ZNF667: variants seen among roughly 807,000 people sequenced by gnomAD.
The protein encoded by ZNF667 is zinc finger protein 667, also known as myocardial ischemic preconditioning upregulated 1 ortholog.
A neutral mutation model predicts 31.8 loss-of-function variants in ZNF667; 13 were observed. That is an observed-to-expected ratio of 0.41 (90% CI 0.27 to 0.65). ZNF667 has a LOEUF of 0.65. Ranked by LOEUF, ZNF667 falls within the 30% of genes least tolerant of loss-of-function variation. ZNF667 has a pLI of 0.32. For synonymous variants in ZNF667, 228 were observed against 247.1 expected, an observed-to-expected ratio of 0.92 and a Z score of 0.73; for missense variants, 642 against 725.6, an observed-to-expected ratio of 0.88 and a Z score of 1.32.
intron 6 of ZNF667, among the ~76,000 whole-genome samples, chr19:56,457,892 C>A (rs1292832817): frequency 6.6e-6 from 1 of 152,120 alleles, no homozygotes; most frequent in African/African-American, 2.4e-5. Context: ...AATGAGATAT[C>A]ATCTATAATC....
chr19:56,469,152 G>A (rs1419932279), intron 3 of ZNF667, among the ~76,000 whole-genome samples: 2 of 152,190 alleles, frequency 1.3e-5, no homozygotes, highest in East Asian at 1.9e-4. Context: ...GCTGGTGATC[G>A]CTGAAGCCGG....
intron 1 of ZNF667, chr19:56,476,899 C>T: frequency 6.5e-6 from 1 of 153,218 alleles, no homozygotes; most frequent in Non-Finnish European, 1.5e-5. Context: ...TCACAGTCAG[C>T]GTCACACACC....
At chr19:56,463,523 T>C (rs2043096038) in intron 3 of ZNF667, among the ~76,000 whole-genome samples, 1 of 152,062 alleles carries the variant, frequency 6.6e-6, no homozygotes, top group Admixed American at 6.6e-5. Context: ...AGGAACTCAT[T>C]TTCTTCCCTT....
chr19:56,466,197 C>T (rs1333054630), intron 3 of ZNF667, among the ~76,000 whole-genome samples: 1 of 152,224 alleles, frequency 6.6e-6, no homozygotes, highest in African/African-American at 2.4e-5. Context: ...CTTCCCTTTG[C>T]TGATACTGCT....
At chr19:56,476,639 G>A (rs1437012177) in intron 1 of ZNF667, among the ~76,000 whole-genome samples, 1 of 152,134 alleles carries the variant, frequency 6.6e-6, no homozygotes, top group Non-Finnish European at 1.5e-5. Context: ...CAATTAAACA[G>A]TTCCACAGAT....
At chr19:56,477,455 C>T (rs903508907), upstream of ZNF667, 5 of 152,222 alleles carry the variant, frequency 3.3e-5, no homozygotes, top group Admixed American at 6.5e-5. Flanking sequence ...GCTCACCCGC[C>T]TCTCGGGGAC....
chr19:56,451,036 G>A (rs1046917006), intron 6 of ZNF667, among the ~76,000 whole-genome samples: 1 of 152,040 alleles, frequency 6.6e-6, no homozygotes, highest in African/African-American at 2.4e-5. Flanking sequence ...AAGCCACAGA[G>A]TGGCTGGATG....
At chr19:56,456,808 T>C (rs1390857040) in intron 6 of ZNF667, among the ~76,000 whole-genome samples, 1 of 152,206 alleles carries the variant, frequency 6.6e-6, no homozygotes, top group Non-Finnish European at 1.5e-5. Flanking sequence ...CAGTGATAAC[T>C]CTATGTATAA....
In ZNF667 at chr19:56,454,210, C is replaced by T. The variant is rs561741556; in HGVS notation, c.253+3945G>A. ...CAAAAATATGGAAAGATAGTCCATGCTCATGGATTTGAAGAATAATTATTA... is the reference window on the plus strand; with the variant it reads ...CAAAAATATGGAAAGATAGTCCATGTTCATGGATTTGAAGAATAATTATTA... On this transcript the variant is annotated intron_variant, in intron 6 of 6. Transcript: ENST00000504904. Among the ~76,000 whole-genome samples the T allele has an allele frequency of 2.0e-5, 3 of 152,198 alleles. 1 individual carries two copies. The highest frequency in any genetic ancestry group is 7.2e-5 in the African/African-American group (3 of 41,530).
intron 6 of ZNF667, among the ~76,000 whole-genome samples, chr19:56,450,726 T>TA (rs1378115570): frequency 4.6e-5 from 7 of 152,210 alleles, no homozygotes; most frequent in African/African-American, 1.7e-4. Flanking sequence ...AGGAGATAAA[T>TA]TTAAAGTATA....
At chr19:56,446,847 G>C (rs2042719361) in intron 6 of ZNF667, among the ~76,000 whole-genome samples, 1 of 152,054 alleles carries the variant, frequency 6.6e-6, no homozygotes, top group Non-Finnish European at 1.5e-5. Context: ...CATCAGTTAA[G>C]CTGCTTCTCC....
intron 1 of ZNF667, chr19:56,475,372 C>G (rs2043382507): frequency 6.6e-6 from 1 of 152,298 alleles, no homozygotes; most frequent in East Asian, 1.9e-4. Flanking sequence ...CTTTTATCAT[C>G]TCTCCGTGCC....
At chr19:56,457,711 C>T (rs2042962745) in intron 6 of ZNF667, among the ~76,000 whole-genome samples, 1 of 152,156 alleles carries the variant, frequency 6.6e-6, no homozygotes. Flanking sequence ...AAAGAGATTG[C>T]CCCCTCACAA....
intron 6 of ZNF667, chr19:56,444,383 G>C (rs1017541575): frequency 1.0e-5 from 4 of 395,354 alleles, no homozygotes; most frequent in African/African-American, 2.1e-5. Flanking sequence ...ATCAGATTTT[G>C]TAAGAATCAC....
chr19:56,458,048 A>C (rs1478966997), intron 6 of ZNF667, 107 bp downstream of exon 6: 1 of 1,005,598 alleles, frequency 9.9e-7, no homozygotes. Flanking sequence ...CAGCCTCCAG[A>C]ACTGTGAGAA....
intron 3 of ZNF667, chr19:56,468,893 A>C (rs2043223976): frequency 6.6e-6 from 1 of 152,254 alleles, no homozygotes; most frequent in Non-Finnish European, 1.5e-5. Context: ...TTGAAGATGA[A>C]GGAGCACCTG....
intron 3 of ZNF667, among the ~76,000 whole-genome samples, chr19:56,469,509 A>G (rs2043239909): frequency 6.6e-6 from 1 of 152,042 alleles, no homozygotes; most frequent in Admixed American, 6.5e-5. Context: ...ATGAAGAATC[A>G]CGTTTGGGTC....
rs2043295636 is a variant in ZNF667 at position 56,471,696 on chromosome 19, T to C, written c.-60+3A>G. 6.6e-6 allele frequency: 1 copy of C among 152,250 alleles called. No homozygotes were observed. The highest frequency in any genetic ancestry group is 2.4e-5 in the African/African-American group (1 of 41,468). 9.4% of individuals were successfully genotyped at this position (152,250 alleles called of 1,614,324 possible). On this transcript the variant is annotated splice_donor_region_variant and intron_variant, in intron 3 of 6. Transcript: ENST00000504904. ...TGTAAAAATCATGTTTTAAATGATT[T>C]ACCAGATAAGCAGATCAGTTGGCTT...
intron 6 of ZNF667, among the ~76,000 whole-genome samples, chr19:56,450,971 G>A (rs370477468): frequency 3.2e-4 from 48 of 152,260 alleles, no homozygotes; most frequent in African/African-American, 1.1e-3. Context: ...CAAAATGTCA[G>A]TAGTAGGTCT....
Sources: gnomAD v4.1 joint callset for allele counts (sites outside exome capture counted in the v4.1 genomes callset) on GRCh38, gnomAD v4.1.1 for gene constraint, MANE v1.5 for transcripts, NCBI Gene and HGNC (gene_info 2026-07-23, HGNC 2026-07-21) for gene names.